Variants in ATL3 observed in about 807,000 individuals in gnomAD.
The protein encoded by ATL3 is atlastin GTPase 3, also known as atlastin-3.
Under a neutral mutation model 69.5 loss-of-function variants are expected in ATL3, and 49 were observed. The observed-to-expected ratio is 0.71, with a 90% CI of 0.56 to 0.89. ATL3 has a LOEUF of 0.89. Ranked by LOEUF, ATL3 falls within the 40% of genes least tolerant of loss-of-function variation. The probability of loss-of-function intolerance (pLI) is 0.00; values close to 1 mark genes in which losing one functional copy is unlikely to be tolerated. For missense variants in ATL3, 606 were observed against 645.7 expected, an observed-to-expected ratio of 0.94 and a Z score of 0.67; for synonymous variants, 214 against 224.1, an observed-to-expected ratio of 0.95 and a Z score of 0.40.
At chr11:63,639,497 A>C (rs1939621452) in intron 8 of ATL3, among the ~76,000 whole-genome samples, 1 of 152,194 alleles carries the variant, frequency 6.6e-6, no homozygotes, top group African/African-American at 2.4e-5. Context: ...CAGTAATCCC[A>C]ACACTTTGAG....
intron 4 of ATL3, among the ~76,000 whole-genome samples, chr11:63,652,209 T>C (rs1210486714): frequency 6.6e-6 from 1 of 152,222 alleles, no homozygotes. Context: ...TAAGCTCTTA[T>C]CAAATCTGTA....
chr11:63,637,844 T>C, intron 8 of ATL3: 1 of 152,156 alleles, frequency 6.6e-6, no homozygotes, highest in Admixed American at 6.5e-5. Flanking sequence ...CTTTATAACC[T>C]TGCAGTGAAA....
chr11:63,651,439 A>C (rs1299665616), intron 5 of ATL3, among the ~76,000 whole-genome samples: 1 of 151,770 alleles, frequency 6.6e-6, no homozygotes, highest in African/African-American at 2.4e-5. Context: ...TGAACATAGC[A>C]GCCAGAATGA....
At chr11:63,654,689 T>G (rs1198841697) in intron 3 of ATL3, among the ~76,000 whole-genome samples, 1 of 149,520 alleles carries the variant, frequency 6.7e-6, no homozygotes, top group Non-Finnish European at 1.5e-5. Flanking sequence ...TAAGCCACCA[T>G]GTCTGGCCTA....
At chr11:63,664,159 A>T (rs761391199) in intron 1 of ATL3, among the ~76,000 whole-genome samples, 1 of 152,260 alleles carries the variant, frequency 6.6e-6, no homozygotes, top group Non-Finnish European at 1.5e-5. Flanking sequence ...AGCCAAGCCT[A>T]GCAGCCAACA....
At chr11:63,671,165 G>A (rs1259655931) in intron 1 of ATL3, 125 bp downstream of exon 1, 12 of 1,408,240 alleles carry the variant, frequency 8.5e-6, no homozygotes, top group African/African-American at 3.1e-5. Context: ...CCCCGGCGAG[G>A]GACGCGCGGT....
chr11:63,664,714 C>A (rs1177853804), intron 1 of ATL3, among the ~76,000 whole-genome samples: 1 of 150,784 alleles, frequency 6.6e-6, no homozygotes, highest in Non-Finnish European at 1.5e-5. Context: ...CCTCCGCCTC[C>A]CGGGTTCAAG....
rs536374102 is a variant in ATL3, at chr11:63,651,017, C to T, written c.561+919G>A. ...AAGGTAATCCCTATAATAATGACAC[C>T]CTTACTCACTCACATTCTGATGCTT... On this transcript the variant is annotated intron_variant, in intron 5 of 12. Coordinates refer to ENST00000398868, the MANE Select transcript of ATL3 (RefSeq NM_015459.5). Among the ~76,000 whole-genome samples the T allele has an allele frequency of 2.0e-5, 3 of 152,070 alleles. No homozygotes were observed. The South Asian group carries it at 6.2e-4, about 32-fold the overall frequency.
chr11:63,661,392 A>G (rs1940414897), intron 1 of ATL3, among the ~76,000 whole-genome samples: 1 of 152,184 alleles, frequency 6.6e-6, no homozygotes, highest in Admixed American at 6.6e-5. Flanking sequence ...ATTAAGCACT[A>G]ACTATATTAT....
chr11:63,643,551 G>GTTGTCCCTAGT, intron 7 of ATL3, 56 bp from the exon 8 acceptor site: 1 of 1,522,846 alleles, frequency 6.6e-7, no homozygotes, highest in Non-Finnish European at 8.9e-7. Flanking sequence ...TTCTTCACTA[G>GTTGTCCCTAGT]GGACAACTAG....
chr11:63,630,593 C>A (rs879359618), intron 12 of ATL3, among the ~76,000 whole-genome samples: 1 of 151,914 alleles, frequency 6.6e-6, no homozygotes, highest in Non-Finnish European at 1.5e-5. Context: ...GTCAGGAGTT[C>A]GAGACCAGCC....
intron 1 of ATL3, among the ~76,000 whole-genome samples, chr11:63,668,790 C>CTTTT (rs386373974): frequency 4.5e-3 from 363 of 81,448 alleles, no homozygotes; most frequent in Middle Eastern, 0.014. Flanking sequence ...AGCTGTGTTC[C>CTTTT]TTTTTTTTTT....
chr11:63,625,712 T>G lies in ATL3; in HGVS notation c.*3607A>C, dbSNP rs1229543123. The G allele has an allele frequency of 6.6e-6, 1 of 152,228 alleles. No homozygotes were observed. The highest frequency in any genetic ancestry group is 1.5e-5 in the Non-Finnish European group (1 of 68,076). 9.4% of individuals were successfully genotyped at this position (152,228 alleles called of 1,614,324 possible). On this transcript the variant is annotated 3_prime_UTR_variant, in exon 13 of 13. Coordinates refer to ENST00000398868, the MANE Select transcript of ATL3 (RefSeq NM_015459.5). Reference sequence around the variant, plus strand: ...AAAAATAAAGCAAAACAAGGCCAGGTTCCAGTGGCTCACGCCTGTAATCCC... The same window carrying G: ...AAAAATAAAGCAAAACAAGGCCAGGGTCCAGTGGCTCACGCCTGTAATCCC...
rs561471854 is a variant in ATL3 at position 63,660,024 on chromosome 11, TATAATA to T, written c.47-778_47-773del. ...TGCACATGTACCCTAAAACTTAAAG[TATAATA>T]ATAATAAAAAATAAATAAAATAAAA... On this transcript the variant is annotated intron_variant, in intron 1 of 12. Coordinates refer to ENST00000398868, the MANE Select transcript of ATL3 (RefSeq NM_015459.5). 5.4e-5 allele frequency among the ~76,000 whole-genome samples: 8 copies of T among 147,972 alleles called. No individual in the cohort carries two copies. In the East Asian group the frequency reaches 1.6e-3, roughly 29 times the overall value.
Position 63,658,707 on chromosome 11 carries a change from A to G in ATL3, c.405+54T>C, listed in dbSNP as rs577972166. 7.8e-4 allele frequency: 1,194 copies of G among 1,540,384 alleles called. 1 individual carries two copies. The highest frequency in any genetic ancestry group is 9.6e-4 in the Non-Finnish European group (1,107 of 1,147,882). ...ATTGGGTTAACACAGTACATGCTGA[A>G]GTTCATATTTTGTTGTTGTTGTTGT... On this transcript the variant is annotated intron_variant, in intron 3 of 12. Coordinates refer to ENST00000398868, the MANE Select transcript of ATL3 (RefSeq NM_015459.5).
chr11:63,646,631 A>C (rs1014663958), intron 5 of ATL3, 68 bp from the exon 6 acceptor site: 1 of 1,051,014 alleles, frequency 9.5e-7, no homozygotes, highest in African/African-American at 1.6e-5. Context: ...CCTTTTTAGC[A>C]AAGTATTCAT....
At position 63,671,283 on chromosome 11, in the gene ATL3, G is replaced by A; in HGVS notation, c.46+7C>T. The A allele has an allele frequency of 1.3e-6, 2 of 1,580,232 alleles. No individual in the cohort carries two copies. The highest frequency in any genetic ancestry group is 1.7e-6 in the Non-Finnish European group (2 of 1,165,562). ...GCGGGGCGATCCAGGGAAAATCGGC[G>A]CCTCACCTGCTCCTCTTGAGGCAGC... On this transcript the variant is annotated splice_region_variant and intron_variant, in intron 1 of 12. Transcript: ENST00000398868.
intron 3 of ATL3, among the ~76,000 whole-genome samples, chr11:63,658,384 A>AT (rs1375632312): frequency 1.3e-5 from 2 of 152,210 alleles, no homozygotes; most frequent in African/African-American, 4.8e-5. Flanking sequence ...ACAGATTAAT[A>AT]TTTTTTAACT....
intron 12 of ATL3, among the ~76,000 whole-genome samples, chr11:63,630,191 T>G (rs1279379035): frequency 6.8e-6 from 1 of 147,218 alleles, no homozygotes; most frequent in Non-Finnish European, 1.5e-5. Flanking sequence ...GGTGGGTGGA[T>G]CACCTGAGGT....
Sources: allele counts gnomAD v4.1 joint callset (sites outside exome capture counted in the v4.1 genomes callset), GRCh38; gene constraint gnomAD v4.1.1; transcripts MANE v1.5; gene names NCBI Gene and HGNC (gene_info 2026-07-23, HGNC 2026-07-21).